The following PLS1 variants were observed in gnomAD, a reference collection of about 807,000 sequenced individuals.
The protein encoded by PLS1 is plastin-1.
Under a neutral mutation model 73.7 loss-of-function variants are expected in PLS1, and 32 were observed. The observed-to-expected ratio is 0.43, with a 90% CI of 0.33 to 0.58. The LOEUF (loss-of-function observed/expected upper bound fraction) is 0.58. PLS1 is among the 20% of genes least tolerant of loss of function. PLS1 has a pLI of 0.04. For synonymous variants in PLS1, 217 were observed against 261.3 expected (o/e 0.83, Z 1.63); for missense variants, 633 against 740.5 (o/e 0.85, Z 1.68).
In PLS1 at chr3:142,712,301, C is replaced by T. The variant is rs145639846; in HGVS notation, c.*294C>T. Reference sequence around the variant, plus strand: ...TCGTATTAGACAAGACTAAATCATTCTTTTTTATGGTTCAAAAAAGATGAA... The same window carrying T: ...TCGTATTAGACAAGACTAAATCATTTTTTTTTATGGTTCAAAAAAGATGAA... On this transcript the variant is annotated 3_prime_UTR_variant, in exon 16 of 16. Coordinates refer to ENST00000457734, the MANE Select transcript of PLS1 (RefSeq NM_001145319.2). The T allele has an allele frequency of 1.4e-3, 306 of 219,142 alleles. 1 individual carries two copies. The highest frequency in any genetic ancestry group is 6.7e-3 in the African/African-American group (295 of 44,062). 13.6% of individuals were successfully genotyped at this position (219,142 alleles called of 1,614,324 possible). A position where few individuals can be genotyped will look rare whatever the true frequency, so the allele number is the denominator to read the frequency against.
rs904450079 is a variant in PLS1 at position 142,694,416 on chromosome 3, G to C, written c.1178-53G>C. On this transcript the variant is annotated intron_variant, in intron 10 of 15. Coordinates refer to ENST00000457734, the MANE Select transcript of PLS1 (RefSeq NM_001145319.2). ...ACCTGCTAGAATGGTTTAACATATA[G>C]TTCCTGGTTCCTTTTGTCCTGAGTC... The C allele has an allele frequency of 4.4e-6, 5 of 1,140,306 alleles. No homozygotes were observed. In the African/African-American group the frequency reaches 7.7e-5, roughly 18 times the overall value. 70.6% of individuals were successfully genotyped at this position (1,140,306 alleles called of 1,614,324 possible).
At chr3:142,686,418 C>A in intron 9 of PLS1, 42 bp downstream of exon 9, 1 of 1,153,656 alleles carries the variant, frequency 8.7e-7, no homozygotes, top group Non-Finnish European at 1.3e-6. Context: ...TGTGGTAAAA[C>A]AGACGTAGAA....
At chr3:142,704,090 A>G in intron 13 of PLS1, 89 bp downstream of exon 13, 1 of 1,049,842 alleles carries the variant, frequency 9.5e-7, no homozygotes, top group Non-Finnish European at 1.4e-6. Context: ...AACAATAATG[A>G]ACACAGAAGA....
In PLS1 at chr3:142,596,395, T is replaced by TGGCGCGAGCGCAGC. The variant is rs1285349508; in HGVS notation, c.-147_-134dup. ...CCGGGTGCCGGCCGAGCATGCGCAG[T>TGGCGCGAGCGCAGC]GGCGCGAGCGCAGCGGCTACGCGGG... On this transcript the variant is annotated 5_prime_UTR_variant, in exon 1 of 16. Coordinates refer to ENST00000457734, the MANE Select transcript of PLS1 (RefSeq NM_001145319.2). 6.6e-6 allele frequency: 1 copy of TGGCGCGAGCGCAGC among 152,320 alleles called. No homozygotes were observed. Among genetic ancestry groups the TGGCGCGAGCGCAGC allele is most frequent in the Non-Finnish European group, 1.5e-5 (1 of 68,114 alleles). The allele number at this position is 152,320 out of a possible 1,614,324, so 9.4% of individuals were successfully genotyped here. A position where few individuals can be genotyped will look rare whatever the true frequency, so the allele number is the denominator to read the frequency against.
At chr3:142,610,768 C>G (rs963923613) in intron 1 of PLS1, among the ~76,000 whole-genome samples, 17 of 152,170 alleles carry the variant, frequency 1.1e-4, no homozygotes, top group African/African-American at 3.9e-4. Context: ...CAAAAAGGCT[C>G]TTGGTTGTTT....
At chr3:142,649,285 A>G (rs1394454299) in intron 1 of PLS1, among the ~76,000 whole-genome samples, 6 of 145,498 alleles carry the variant, frequency 4.1e-5, no homozygotes, top group Non-Finnish European at 8.9e-5. Flanking sequence ...GCAGTGAACC[A>G]TGATCATGAT....
chr3:142,636,496 A>C (rs1407722201), intron 1 of PLS1, among the ~76,000 whole-genome samples: 1 of 152,228 alleles, frequency 6.6e-6, no homozygotes, highest in Non-Finnish European at 1.5e-5. Flanking sequence ...GAAAGAAAAA[A>C]TACTGTGACC....
At chr3:142,662,513 T>TA in intron 1 of PLS1, among the ~76,000 whole-genome samples, 1 of 152,174 alleles carries the variant, frequency 6.6e-6, no homozygotes. Flanking sequence ...CATGTATACT[T>TA]ATGTGACAAA....
At chr3:142,703,264 G>C (rs576586522) in intron 12 of PLS1, among the ~76,000 whole-genome samples, 1 of 150,518 alleles carries the variant, frequency 6.6e-6, no homozygotes, top group South Asian at 2.1e-4. Flanking sequence ...CCATTAATAA[G>C]CTATTTCATC....
intron 1 of PLS1, among the ~76,000 whole-genome samples, chr3:142,598,617 A>G (rs532593781): frequency 1.3e-4 from 20 of 152,322 alleles, no homozygotes; most frequent in African/African-American, 4.8e-4. Context: ...GTGAAAGACT[A>G]AATGCAGAGA....
chr3:142,621,865 C>T (rs192093189), intron 1 of PLS1, among the ~76,000 whole-genome samples: 1 of 152,162 alleles, frequency 6.6e-6, no homozygotes, highest in Admixed American at 6.5e-5. Flanking sequence ...AGCAGAACTC[C>T]ATGCAACAGC....
chr3:142,634,944 AG>A (rs1480013008), intron 1 of PLS1, among the ~76,000 whole-genome samples: 1 of 151,078 alleles, frequency 6.6e-6, no homozygotes, highest in African/African-American at 2.4e-5. Flanking sequence ...TTTTAGAGAC[AG>A]TTTCTCACTC....
In PLS1 at chr3:142,679,275, T is replaced by G. The variant is rs1397148929; in HGVS notation, c.579+1162T>G. Among the ~76,000 whole-genome samples the G allele has an allele frequency of 4.3e-3, 654 of 151,296 alleles. 5 individuals carry two copies. Among genetic ancestry groups the G allele is most frequent in the African/African-American group, 0.015 (625 of 41,252 alleles). On this transcript the variant is annotated intron_variant, in intron 6 of 15. Transcript: ENST00000457734. Reference sequence around the variant, plus strand: ...TTTGCTGTGCAGAAGCTCTTTAGTTTAATTAGATCCCATTTGTCAATTTTG... The same window carrying G: ...TTTGCTGTGCAGAAGCTCTTTAGTTGAATTAGATCCCATTTGTCAATTTTG...
chr3:142,695,595 A>G (rs988664755), intron 11 of PLS1, among the ~76,000 whole-genome samples: 1 of 152,164 alleles, frequency 6.6e-6, no homozygotes, highest in Admixed American at 6.5e-5. Flanking sequence ...GAATGTCTAT[A>G]ATATATAGTC....
intron 8 of PLS1, among the ~76,000 whole-genome samples, chr3:142,685,303 T>C (rs1157354938): frequency 6.6e-6 from 1 of 152,228 alleles, no homozygotes; most frequent in Non-Finnish European, 1.5e-5. Context: ...AAGACTCAGC[T>C]CTTGAGAAGC....
At chr3:142,624,115 A>G (rs2036370837) in intron 1 of PLS1, among the ~76,000 whole-genome samples, 1 of 152,206 alleles carries the variant, frequency 6.6e-6, no homozygotes, top group Admixed American at 6.5e-5. Flanking sequence ...TATCTCCAGT[A>G]CTAGGAATGT....
At chr3:142,664,747 C>T (rs894584115) in intron 2 of PLS1, among the ~76,000 whole-genome samples, 15 of 152,158 alleles carry the variant, frequency 9.9e-5, no homozygotes, top group Non-Finnish European at 1.5e-5. Flanking sequence ...TTTTCCTTCT[C>T]CCACATGCAT....
chr3:142,650,217 T>C (rs1315362331), intron 1 of PLS1, among the ~76,000 whole-genome samples: 1 of 127,786 alleles, frequency 7.8e-6, no homozygotes, highest in African/African-American at 3.3e-5. Flanking sequence ...TCTTCTTTTT[T>C]TTTTTTTTTT....
At chr3:142,643,824 C>A (rs112235303) in intron 1 of PLS1, among the ~76,000 whole-genome samples, 2,522 of 123,838 alleles carry the variant, frequency 0.02, 21 homozygotes, top group Non-Finnish European at 0.031. Context: ...TTCTTCATTT[C>A]ATTTTTTTTT....
Sources: gnomAD v4.1 joint callset for allele counts (sites outside exome capture counted in the v4.1 genomes callset) on GRCh38, gnomAD v4.1.1 for gene constraint, MANE v1.5 for transcripts, NCBI Gene and HGNC (gene_info 2026-07-23, HGNC 2026-07-21) for gene names.